The following TM9SF3 variants were observed in gnomAD, a reference collection of about 807,000 sequenced individuals.
The protein encoded by TM9SF3 is SM-11044-binding protein.
In TM9SF3, 14 loss-of-function variants were observed where a neutral mutation model predicts 78.6. That is an observed-to-expected ratio of 0.18 (90% CI 0.12 to 0.28). TM9SF3 has a LOEUF of 0.28. Ranked by LOEUF, TM9SF3 falls within the 10% of genes least tolerant of loss-of-function variation. The pLI, the probability that TM9SF3 is intolerant of heterozygous loss-of-function variation, is 1.00. For synonymous variants in TM9SF3, 231 were observed against 241.7 expected (o/e 0.96, Z 0.41); for missense variants, 496 against 721.9 (o/e 0.69, Z 3.59).
At chr10:96,584,011 G>C (rs1047126186) in intron 1 of TM9SF3, among the ~76,000 whole-genome samples, 6 of 151,916 alleles carry the variant, frequency 3.9e-5, no homozygotes, top group Admixed American at 2.0e-4. Flanking sequence ...TCCAGCCTGG[G>C]TGACAAGAGC....
rs182403980 is a variant in TM9SF3, at chr10:96,518,176, C to G, written c.*4087G>C. The G allele has an allele frequency of 3.7e-4, 57 of 152,230 alleles. No homozygotes were observed. Among genetic ancestry groups the G allele is most frequent in the African/African-American group, 1.3e-3 (54 of 41,540 alleles). 9.4% of individuals were successfully genotyped at this position (152,230 alleles called of 1,614,324 possible). The stretch of plus-strand genomic sequence containing the variant: ...ATAAATTAACACACTAGGTTAGAAC[C>G]TCAATTGTATTTGATACATTATATA... On this transcript the variant is annotated 3_prime_UTR_variant, in exon 15 of 15. Coordinates refer to ENST00000371142, the MANE Select transcript of TM9SF3 (RefSeq NM_020123.4).
chr10:96,531,396 T>TAA (rs35386087), intron 10 of TM9SF3, among the ~76,000 whole-genome samples: 6 of 151,764 alleles, frequency 4.0e-5, no homozygotes, highest in African/African-American at 4.8e-5. Flanking sequence ...TACATATATA[T>TAA]AAAAAACCTC....
intron 2 of TM9SF3, among the ~76,000 whole-genome samples, chr10:96,566,622 T>TA (rs1309911229): frequency 5.6e-4 from 85 of 152,308 alleles, no homozygotes; most frequent in African/African-American, 1.7e-3. Context: ...GACTCCCACA[T>TA]AGATTTTCTT....
Position 96,518,363 on chromosome 10 carries a change from AAACC to A in TM9SF3, c.*3896_*3899del, listed in dbSNP as rs1847720276. ...TACACATTCAAGTTTGACAGTTGAAAAACCAACTGGAGCTGCTTTTCCAAGAATG... is the reference window on the plus strand; with the variant it reads ...TACACATTCAAGTTTGACAGTTGAAAAACTGGAGCTGCTTTTCCAAGAATG... On this transcript the variant is annotated 3_prime_UTR_variant, in exon 15 of 15. Coordinates refer to ENST00000371142, the MANE Select transcript of TM9SF3 (RefSeq NM_020123.4). The A allele has an allele frequency of 6.6e-6, 1 of 152,168 alleles. No homozygotes were observed. The allele number at this position is 152,168 out of a possible 1,614,324, so 9.4% of individuals were successfully genotyped here. A position where few individuals can be genotyped will look rare whatever the true frequency, so the allele number is the denominator to read the frequency against.
intron 9 of TM9SF3, among the ~76,000 whole-genome samples, chr10:96,537,211 A>G (rs1297603269): frequency 6.6e-6 from 1 of 152,166 alleles, no homozygotes; most frequent in Non-Finnish European, 1.5e-5. Context: ...TTTTTGGTCA[A>G]TGATGGACCA....
intron 3 of TM9SF3, 37 bp from the exon 4 acceptor site, chr10:96,562,175 A>G: frequency 6.9e-7 from 1 of 1,445,694 alleles, no homozygotes; most frequent in Non-Finnish European, 9.4e-7. Flanking sequence ...AGGTAAAACC[A>G]CTTAATATTT....
At position 96,518,675 on chromosome 10, in the gene TM9SF3, T is replaced by C. The variant is rs974679619; in HGVS notation, c.*3588A>G. The C allele has an allele frequency of 7.9e-5, 12 of 152,136 alleles. No homozygotes were observed. The highest frequency in any genetic ancestry group is 2.7e-4 in the African/African-American group (11 of 41,456). 9.4% of individuals were successfully genotyped at this position (152,136 alleles called of 1,614,324 possible). Reference sequence around the variant, plus strand: ...TCAGATGGCTTTTAGGAAATGCTCATAGGAGAGAACTAGAGTTATTCCTCA... The same window carrying C: ...TCAGATGGCTTTTAGGAAATGCTCACAGGAGAGAACTAGAGTTATTCCTCA... On this transcript the variant is annotated 3_prime_UTR_variant, in exon 15 of 15. Coordinates refer to ENST00000371142, the MANE Select transcript of TM9SF3 (RefSeq NM_020123.4).
At position 96,571,741 on chromosome 10, in the gene TM9SF3, C is replaced by T. The variant is rs147020083; in HGVS notation, c.298+4893G>A. On this transcript the variant is annotated intron_variant, in intron 2 of 14. Coordinates refer to ENST00000371142, the MANE Select transcript of TM9SF3 (RefSeq NM_020123.4). Reference sequence around the variant, plus strand: ...ATAATTTCAGCCCTCTGTTAAGTTGCGAAATTCAAGGAAGAAAAAAATTCA... The same window carrying T: ...ATAATTTCAGCCCTCTGTTAAGTTGTGAAATTCAAGGAAGAAAAAAATTCA... 9.1e-3 allele frequency among the ~76,000 whole-genome samples: 1,378 copies of T among 152,076 alleles called. 18 individuals are homozygous for T. The highest frequency in any genetic ancestry group is 0.063 in the South Asian group (304 of 4,820).
rs534376205 is a variant in TM9SF3, at chr10:96,544,849, A to G, written c.1055-643T>C. ...GCAAAAAAAAAATTAAACGTGAAAT[A>G]ATAAAAAACAAAAAACCCTGAGTTA... On this transcript the variant is annotated intron_variant, in intron 8 of 14. Coordinates refer to ENST00000371142, the MANE Select transcript of TM9SF3 (RefSeq NM_020123.4). Among the ~76,000 whole-genome samples, 7 of 152,232 alleles carry G rather than the reference A, an allele frequency of 4.6e-5. No individual in the cohort carries two copies. In the East Asian group the frequency reaches 1.3e-3, roughly 29 times the overall value.
At chr10:96,539,463 G>C (rs1306754613) in intron 9 of TM9SF3, among the ~76,000 whole-genome samples, 1 of 152,070 alleles carries the variant, frequency 6.6e-6, no homozygotes, top group African/African-American at 2.4e-5. Context: ...AAGGAAATTC[G>C]GTAATGAAAA....
intron 2 of TM9SF3, among the ~76,000 whole-genome samples, chr10:96,576,024 C>T (rs1000497701): frequency 6.6e-5 from 10 of 152,116 alleles, no homozygotes; most frequent in Admixed American, 6.5e-4. Context: ...TTTAAATATC[C>T]TATAGGTATT....
intron 7 of TM9SF3, 62 bp from the exon 8 acceptor site, chr10:96,548,051 T>G: frequency 9.5e-7 from 1 of 1,048,966 alleles, no homozygotes; most frequent in South Asian, 1.5e-5. Context: ...CATCATAGTC[T>G]ATTATATTAG....
intron 1 of TM9SF3, among the ~76,000 whole-genome samples, chr10:96,577,290 T>C (rs2134160462): frequency 6.6e-6 from 1 of 150,590 alleles, no homozygotes; most frequent in Non-Finnish European, 1.5e-5. Context: ...TAAAATTTCA[T>C]CTCCTTGCGA....
chr10:96,584,622 C>T (rs977256674), intron 1 of TM9SF3, among the ~76,000 whole-genome samples: 2 of 152,114 alleles, frequency 1.3e-5, no homozygotes, highest in East Asian at 1.9e-4. Context: ...CAAGACCAGC[C>T]GGGCCAACAT....
Position 96,518,311 on chromosome 10 carries a change from A to G in TM9SF3, c.*3952T>C, listed in dbSNP as rs1417797643. The G allele has an allele frequency of 6.6e-6, 1 of 152,172 alleles. No individual in the cohort carries two copies. The highest frequency in any genetic ancestry group is 1.9e-4 in the East Asian group (1 of 5,200). 9.4% of individuals were successfully genotyped at this position (152,172 alleles called of 1,614,324 possible). A position where few individuals can be genotyped will look rare whatever the true frequency, so the allele number is the denominator to read the frequency against. On this transcript the variant is annotated 3_prime_UTR_variant, in exon 15 of 15. Coordinates refer to ENST00000371142, the MANE Select transcript of TM9SF3 (RefSeq NM_020123.4). ...AATAATTGTTTCCTTGGAACTCTGC[A>G]CCGACTGTCCATGCTCTGTGGGGAC...
In TM9SF3 at chr10:96,533,063, G is replaced by A. The variant is rs867212091; in HGVS notation, c.1313C>T (p.Pro438Leu). The A allele has an allele frequency of 2.5e-6, 4 of 1,613,174 alleles. No individual in the cohort carries two copies. Among genetic ancestry groups the A allele is most frequent in the Non-Finnish European group, 2.5e-6 (3 of 1,179,654 alleles). Reference protein sequence around the residue: ...CRVNAVPRPIPEKKWFMEPAV... With the variant: ...CRVNAVPRPILEKKWFMEPAV... ...GCATTCTCTTTACCATTTTTTCTCC[G>A]GTATAGGACGAGGCACAGCATTGAC... The change falls in exon 10 of 15, where the codon CCG becomes CTG. Residue 438 changes from proline (P) to leucine (L), a missense_variant. Physicochemically the swap from Pro to Leu is moderately conservative, Grantham distance 98. Around this residue, in one of 4 missense-constraint regions of TM9SF3, gnomAD observed 280 missense variants for 422.6 expected, o/e 0.66. Transcript: ENST00000371142.
chr10:96,551,273 C>A lies in TM9SF3; in HGVS notation c.931G>T (p.Val311Phe). ...IFAVSLIVIIVAMIEDLYTER... is the reference protein window; with the variant it reads ...IFAVSLIVIIFAMIEDLYTER... ...GTATATAAATCTTCTATCATTGCAA[C>A]AATAATAACGATGAGAGACACAGCA... is the stretch of plus-strand genomic sequence containing the variant. The change falls in exon 7 of 15, where the codon GTT becomes TTT. Residue 311 changes from valine to phenylalanine, a missense_variant. Transcript: ENST00000371142. The A allele has an allele frequency of 6.2e-7, 1 of 1,611,960 alleles. No homozygotes were observed. Among genetic ancestry groups the A allele is most frequent in the Non-Finnish European group, 8.5e-7 (1 of 1,179,362 alleles).
At chr10:96,584,889 T>C (rs929612918) in intron 1 of TM9SF3, among the ~76,000 whole-genome samples, 6 of 152,218 alleles carry the variant, frequency 3.9e-5, no homozygotes, top group African/African-American at 1.2e-4. Context: ...TGAAGTAATA[T>C]GGATTCTAAA....
chr10:96,578,778 A>G lies in TM9SF3; in HGVS notation c.103-1949T>C, dbSNP rs184153029. On this transcript the variant is annotated intron_variant, in intron 1 of 14. Coordinates refer to ENST00000371142, the MANE Select transcript of TM9SF3 (RefSeq NM_020123.4). ...CCAACTGATGAGAGTTGGTATTAGA[A>G]TTAAAACTTGTTCATGGCCGGGTAC... Among the ~76,000 whole-genome samples the G allele has an allele frequency of 1.4e-3, 215 of 152,336 alleles. 3 individuals are homozygous for G. Among genetic ancestry groups the G allele is most frequent in the Admixed American group, 0.014 (214 of 15,308 alleles).
Sources: gnomAD v4.1 joint callset for allele counts (sites outside exome capture counted in the v4.1 genomes callset) on GRCh38, gnomAD v4.1.1 for gene constraint, gnomAD v4.1.1 regional missense constraint, MANE v1.5 for transcripts, NCBI Gene and HGNC (gene_info 2026-07-23, HGNC 2026-07-21) for gene names.